The following STAB1 variants were observed in gnomAD, a reference collection of about 807,000 sequenced individuals.
The protein encoded by STAB1 is stabilin 1, also known as stabilin-1.
A neutral mutation model predicts 332.4 loss-of-function variants in STAB1; 250 were observed. That is an observed-to-expected ratio of 0.75 (90% CI 0.68 to 0.84). The LOEUF (loss-of-function observed/expected upper bound fraction) is 0.84, where lower values mean the gene tolerates loss of function less well. Among genes scored for constraint, STAB1 ranks in the 40% least tolerant of loss-of-function variants. The pLI, the probability that STAB1 is intolerant of heterozygous loss-of-function variation, is 0.00. For synonymous variants in STAB1, 1,475 were observed against 1,390.4 expected, an observed-to-expected ratio of 1.06 and a Z score of -1.35; for missense variants, 3,249 against 3,489.7, an observed-to-expected ratio of 0.93 and a Z score of 1.74.
At chr3:52,517,168 T>G (rs1444649572) in intron 42 of STAB1, 59 bp downstream of exon 42, 4 of 1,510,272 alleles carry the variant, frequency 2.6e-6, no homozygotes, top group Middle Eastern at 1.8e-4. Context: ...TTCAGTGATC[T>G]GAGTCAGATT....
At chr3:52,496,842 A>G (rs1708063622) in intron 1 of STAB1, among the ~76,000 whole-genome samples, 1 of 152,112 alleles carries the variant, frequency 6.6e-6, no homozygotes, top group African/African-American at 2.4e-5. Context: ...AGTGCTGGCC[A>G]CTCTAACACA....
At position 52,502,095 on chromosome 3, in the gene STAB1, AGGGCTGGGCAAGGTGGGGTGGAG is replaced by A; in HGVS notation, c.417+6_417+28del. 1 of 1,613,640 alleles carries A rather than the reference AGGGCTGGGCAAGGTGGGGTGGAG, an allele frequency of 6.2e-7. No individual in the cohort carries two copies. The highest frequency in any genetic ancestry group is 8.5e-7 in the Non-Finnish European group (1 of 1,179,988). On this transcript the variant is annotated splice_donor_5th_base_variant and intron_variant, in intron 4 of 68. Coordinates refer to ENST00000321725, the MANE Select transcript of STAB1 (RefSeq NM_015136.3). ...GAATGGGACCTGTGTGTGCCAGGTA[AGGGCTGGGCAAGGTGGGGTGGAG>A]GCTCAGAGGGGCCACGCTGACTTGG...
chr3:52,516,506 G>C (rs757409463), intron 39 of STAB1, 36 bp from the exon 40 acceptor site: 1 of 1,613,420 alleles, frequency 6.2e-7, no homozygotes, highest in South Asian at 1.1e-5. Context: ...GCTGTTCCTG[G>C]GTCTGAATGA....
chr3:52,509,356 GA>G, intron 22 of STAB1, 35 bp downstream of exon 22: 1 of 1,591,916 alleles, frequency 6.3e-7, no homozygotes, highest in South Asian at 1.1e-5. Context: ...CTCCTAGGGA[GA>G]AAAAACGTCT....
rs889276256 is a variant in STAB1 at position 52,512,489 on chromosome 3, C to T, written c.2979+53C>T. ...TCTTCCCCGTGCTTGGGAAGGAGCC[C>T]TCTCCAGCACCTCAGGTGGGAAAGG... On this transcript the variant is annotated intron_variant, in intron 27 of 68. Transcript: ENST00000321725. 6.9e-5 allele frequency: 111 copies of T among 1,609,986 alleles called. 1 individual carries two copies. The highest frequency in any genetic ancestry group is 2.7e-5 in the Non-Finnish European group (32 of 1,176,920).
chr3:52,507,848 G>T, intron 19 of STAB1, 83 bp from the exon 20 acceptor site: 1 of 1,484,530 alleles, frequency 6.7e-7, no homozygotes, highest in Non-Finnish European at 9.3e-7. Flanking sequence ...CCAGGGGGCA[G>T]AGGTCCCTTA....
At position 52,503,049 on chromosome 3, in the gene STAB1, G is replaced by A. The variant is rs529062376; in HGVS notation, c.634G>A (p.Ala212Thr). 25 of 1,603,642 alleles carry A rather than the reference G, an allele frequency of 1.6e-5. No homozygotes were observed. The highest frequency in any genetic ancestry group is 1.8e-4 in the Middle Eastern group (1 of 5,646). Residue 212 changes from alanine to threonine, a missense_variant, in exon 7 of 69, where the codon GCA becomes ACA. Transcript: ENST00000321725. ...LRCPQNTQCSAEAPSCRCLPG... is the reference protein window; with the variant it reads ...LRCPQNTQCSTEAPSCRCLPG... ...CTGTCCCCAGAACACCCAGTGCTCC[G>A]CAGAGGCTCCCAGCTGCAGGTGCCT...
chr3:52,514,906 A>AG (rs2078806132), intron 35 of STAB1, 77 bp downstream of exon 35: 6 of 1,612,334 alleles, frequency 3.7e-6, no homozygotes, highest in Non-Finnish European at 5.1e-6. Flanking sequence ...ACTAGTGGGG[A>AG]GGGGCGCATG....
Position 52,521,718 on chromosome 3 carries a change from C to G in STAB1, c.6163+18C>G. 3 of 1,611,746 alleles carry G rather than the reference C, an allele frequency of 1.9e-6. No individual in the cohort carries two copies. Among genetic ancestry groups the G allele is most frequent in the Non-Finnish European group, 2.5e-6 (3 of 1,179,358 alleles). On this transcript the variant is annotated intron_variant, in intron 57 of 68. Coordinates refer to ENST00000321725, the MANE Select transcript of STAB1 (RefSeq NM_015136.3). ...GCAACTGGGTGAGTAGCCCCGTGCT[C>G]GTGCCCACCCTACACACTTGTGTAC...
At position 52,512,952 on chromosome 3, in the gene STAB1, T is replaced by C. The variant is rs1709402810; in HGVS notation, c.3152T>C (p.Leu1051Pro). 6.2e-7 allele frequency: 1 copy of C among 1,608,250 alleles called. No individual in the cohort carries two copies. The highest frequency in any genetic ancestry group is 1.3e-5 in the African/African-American group (1 of 74,782). ...FWLQPRTLPN[L>P]VRAHFLQGAL... is the part of the protein sequence containing the mutation. ...CTGCAGCCAAGGACGCTGCCGAACC[T>C]GGTCAGGTGGGGCCGCCATTGCCAG... Residue 1051 changes from leucine (L) to proline (P), a missense_variant, in exon 29 of 69, where the codon CTG (leucine) becomes CCG (proline). Coordinates refer to ENST00000321725, the MANE Select transcript of STAB1 (RefSeq NM_015136.3).
At position 52,513,180 on chromosome 3, in the gene STAB1, G is replaced by A. The variant is rs1321003316; in HGVS notation, c.3209G>A (p.Gly1070Asp). 4 of 1,585,972 alleles carry A rather than the reference G, an allele frequency of 2.5e-6. No individual in the cohort carries two copies. The highest frequency in any genetic ancestry group is 2.6e-6 in the Non-Finnish European group (3 of 1,166,848). The change falls in exon 30 of 69, where the codon GGT becomes GAT. Residue 1070 changes from glycine to aspartate, a missense_variant. Coordinates refer to ENST00000321725, the MANE Select transcript of STAB1 (RefSeq NM_015136.3). Reference protein sequence around the residue: ...ALFEEELARLGGQEVATLNPT... With the variant: ...ALFEEELARLDGQEVATLNPT... Reference sequence around the variant, plus strand: ...TTCGAGGAGGAGCTGGCCCGGCTGGGTGGGCAGGAAGTGGCCACCCTGAAC... The same window carrying A: ...TTCGAGGAGGAGCTGGCCCGGCTGGATGGGCAGGAAGTGGCCACCCTGAAC...
intron 2 of STAB1, 76 bp from the exon 3 acceptor site, chr3:52,501,562 A>G: frequency 7.2e-7 from 1 of 1,380,944 alleles, no homozygotes; most frequent in East Asian, 2.5e-5. Context: ...GGAGCCCCGG[A>G]AGCCAATGTG....
chr3:52,505,240 C>T, intron 13 of STAB1, 79 bp from the exon 14 acceptor site: 1 of 1,606,156 alleles, frequency 6.2e-7, no homozygotes, highest in Non-Finnish European at 8.5e-7. Flanking sequence ...CTACTCAGGG[C>T]TGGAGCGCAG....
rs766446499 is a variant in STAB1, at chr3:52,507,655, C to T, written c.2032C>T (p.Pro678Ser). The change falls in exon 19 of 69, where the codon CCC becomes TCC. Residue 678 changes from proline to serine, a missense_variant. By Grantham distance (74) the Pro-to-Ser change is moderately conservative. Coordinates refer to ENST00000321725, the MANE Select transcript of STAB1 (RefSeq NM_015136.3). ...DCQALNTSTC[P>S]PNSVKLDIFP... ...CCAAGCCCTGAACACCAGCACGTGTCCCCCCAACAGTGTGAAGCTGGTGAG... is the reference window on the plus strand; with the variant it reads ...CCAAGCCCTGAACACCAGCACGTGTTCCCCCAACAGTGTGAAGCTGGTGAG... 6.2e-7 allele frequency: 1 copy of T among 1,613,428 alleles called. No homozygotes were observed. Among genetic ancestry groups the T allele is most frequent in the Non-Finnish European group, 8.5e-7 (1 of 1,179,966 alleles).
rs746163915 is a variant in STAB1 at position 52,519,261 on chromosome 3, C to A, written c.5035-3C>A. 1.2e-6 allele frequency: 2 copies of A among 1,611,158 alleles called. No homozygotes were observed. The highest frequency in any genetic ancestry group is 1.7e-6 in the Non-Finnish European group (2 of 1,178,922). ...CTTCATCAGCCCCGTGCCCCGCCCC[C>A]AGGGCAGCATATACCTCAATGACTT... On this transcript the variant is annotated splice_region_variant and splice_polypyrimidine_tract_variant and intron_variant, in intron 48 of 68. Coordinates refer to ENST00000321725, the MANE Select transcript of STAB1 (RefSeq NM_015136.3).
intron 1 of STAB1, among the ~76,000 whole-genome samples, chr3:52,497,651 G>A (rs1708138476): frequency 6.6e-6 from 1 of 150,688 alleles, no homozygotes; most frequent in Non-Finnish European, 1.5e-5. Context: ...GATGTCAGGT[G>A]ATCTACCCTC....
At position 52,512,339 on chromosome 3, in the gene STAB1, A is replaced by G; in HGVS notation, c.2884-2A>G. 3 of 1,612,392 alleles carry G rather than the reference A, an allele frequency of 1.9e-6. No homozygotes were observed. The highest frequency in any genetic ancestry group is 2.5e-6 in the Non-Finnish European group (3 of 1,179,602). ...GGAGGCCCTTTCTCACTCCCACCCC[A>G]GGCCACCTGCCGGGCAGTGGGGGGA... is the stretch of plus-strand genomic sequence containing the variant. On this transcript the variant is annotated splice_acceptor_variant, in intron 26 of 68. Transcript: ENST00000321725. LOFTEE classifies it high-confidence loss of function.
At chr3:52,517,285 A>G (rs1289588743) in intron 42 of STAB1, 35 bp from the exon 43 acceptor site, 1 of 1,529,240 alleles carries the variant, frequency 6.5e-7, no homozygotes, top group Non-Finnish European at 8.7e-7. Flanking sequence ...GGGGGCCACT[A>G]AGGGCCACCC....
At chr3:52,514,873 G>A in intron 35 of STAB1, 44 bp downstream of exon 35, 2 of 1,612,874 alleles carry the variant, frequency 1.2e-6, no homozygotes, top group Non-Finnish European at 1.7e-6. Flanking sequence ...GGAGTTCAGA[G>A]CTGGGAGGGC....
Sources: allele counts gnomAD v4.1 joint callset (sites outside exome capture counted in the v4.1 genomes callset), GRCh38; gene constraint gnomAD v4.1.1; transcripts MANE v1.5; gene names NCBI Gene and HGNC (gene_info 2026-07-23, HGNC 2026-07-21).